The following MSH3 variants were observed in gnomAD, a reference collection of about 807,000 sequenced individuals.
MSH3 encodes the protein DNA mismatch repair protein Msh3.
Under a neutral mutation model 123.3 loss-of-function variants are expected in MSH3, and 106 were observed. The observed-to-expected ratio is 0.86, with a 90% CI of 0.73 to 1.01. MSH3 has a LOEUF of 1.01. Among genes scored for constraint, MSH3 ranks in the 50% least tolerant of loss-of-function variants. MSH3 has a pLI of 0.00. For synonymous variants in MSH3, 515 were observed against 481.4 expected, an observed-to-expected ratio of 1.07 and a Z score of -0.91; for missense variants, 1,459 against 1,347.6, an observed-to-expected ratio of 1.08 and a Z score of -1.29.
intron 20 of MSH3, among the ~76,000 whole-genome samples, chr5:80,830,016 C>T (rs897815255): frequency 6.6e-6 from 1 of 152,112 alleles, no homozygotes; most frequent in Non-Finnish European, 1.5e-5. Context: ...AATTTATGGC[C>T]ATAACACTTT....
intron 7 of MSH3, 99 bp from the exon 8 acceptor site, chr5:80,678,828 G>T (rs1314937400): frequency 2.6e-5 from 34 of 1,330,392 alleles, no homozygotes; most frequent in Non-Finnish European, 3.3e-5. Flanking sequence ...ACATACTCCT[G>T]AGTGTATCAT....
intron 2 of MSH3, among the ~76,000 whole-genome samples, chr5:80,659,464 C>T (rs570979166): frequency 6.6e-6 from 1 of 152,284 alleles, no homozygotes; most frequent in Non-Finnish European, 1.5e-5. Flanking sequence ...ATAGATTTGC[C>T]TATTCTGAAC....
chr5:80,782,621 C>T lies in MSH3; in HGVS notation c.2435+3785C>T, dbSNP rs183422063. ...TGATTTCAGAAGTTCCTATAATGTA[C>T]ATATATTACTTTCAGAATAAGAAAA... On this transcript the variant is annotated intron_variant, in intron 17 of 23. Coordinates refer to ENST00000265081, the MANE Select transcript of MSH3 (RefSeq NM_002439.5). Among the ~76,000 whole-genome samples the T allele has an allele frequency of 2.2e-3, 336 of 152,236 alleles. 2 individuals carry two copies. Among genetic ancestry groups the T allele is most frequent in the African/African-American group, 7.5e-3 (313 of 41,548 alleles).
In MSH3 at chr5:80,665,196, A is replaced by C; in HGVS notation, c.412A>C (p.Lys138Gln). The change falls in exon 3 of 24, where the codon AAA becomes CAA. Residue 138 changes from lysine (K) to glutamine (Q), a missense_variant. Coordinates refer to ENST00000265081, the MANE Select transcript of MSH3 (RefSeq NM_002439.5). ...TGTTTCAAAGTCTCTGGAAAAATTG[A>C]AAGAATTCTGCTGCGATTCTGCCCT... The part of the protein sequence containing the change: ...RNVSKSLEKL[K>Q]EFCCDSALPQ... 6.2e-7 allele frequency: 1 copy of C among 1,614,092 alleles called. No individual in the cohort carries two copies. Among genetic ancestry groups the C allele is most frequent in the Non-Finnish European group, 8.5e-7 (1 of 1,179,992 alleles).
intron 17 of MSH3, among the ~76,000 whole-genome samples, chr5:80,784,875 ATAAG>A (rs1744476134): frequency 6.6e-6 from 1 of 152,346 alleles, no homozygotes; most frequent in East Asian, 1.9e-4. Flanking sequence ...TACTCAGTAA[ATAAG>A]TATACAGTAT....
chr5:80,859,481 G>C (rs769641742), intron 21 of MSH3, among the ~76,000 whole-genome samples: 15 of 152,066 alleles, frequency 9.9e-5, no homozygotes, highest in Non-Finnish European at 1.9e-4. Context: ...GTTTCTTGTA[G>C]ACAACATACA....
intron 12 of MSH3, among the ~76,000 whole-genome samples, chr5:80,750,611 A>T (rs910520939): frequency 6.6e-6 from 1 of 152,056 alleles, no homozygotes; most frequent in African/African-American, 2.4e-5. Context: ...AGTTCCCTGT[A>T]TATTTGGTAT....
At chr5:80,779,715 C>T (rs1335860341) in intron 17 of MSH3, among the ~76,000 whole-genome samples, 7 of 151,530 alleles carry the variant, frequency 4.6e-5, no homozygotes, top group Non-Finnish European at 5.9e-5. Flanking sequence ...CACACCGCCA[C>T]GCCCTGCTAA....
rs753378830 is a variant in MSH3 at position 80,765,964 on chromosome 5, A to G, written c.1897-1969A>G. On this transcript the variant is annotated intron_variant, in intron 13 of 23. Coordinates refer to ENST00000265081, the MANE Select transcript of MSH3 (RefSeq NM_002439.5). ...ATTGGTATAAAATTCTAGGTTTTAG[A>G]TGACTTCATTATCTTTACTTCCTCT... Among the ~76,000 whole-genome samples, 47 of 152,302 alleles carry G rather than the reference A, an allele frequency of 3.1e-4. 1 individual carries two copies. Among genetic ancestry groups the G allele is most frequent in the Non-Finnish European group, 2.8e-4 (19 of 68,018 alleles).
chr5:80,822,473 T>A (rs148998340), intron 20 of MSH3, among the ~76,000 whole-genome samples: 193 of 152,326 alleles, frequency 1.3e-3, no homozygotes, highest in African/African-American at 4.5e-3. Flanking sequence ...TATTTTAGAT[T>A]TAAAAGTCTG....
intron 20 of MSH3, among the ~76,000 whole-genome samples, chr5:80,832,867 T>C (rs539664315): frequency 2.0e-5 from 3 of 152,242 alleles, no homozygotes; most frequent in Admixed American, 6.5e-5. Context: ...AAAAGTCCTC[T>C]TTTCCTAATT....
At chr5:80,816,486 A>G (rs1745104231) in intron 20 of MSH3, among the ~76,000 whole-genome samples, 1 of 152,248 alleles carries the variant, frequency 6.6e-6, no homozygotes, top group Non-Finnish European at 1.5e-5. Context: ...TAGGTGAAGC[A>G]TAGCCATGTC....
At chr5:80,674,473 T>A (rs1353014796) in intron 6 of MSH3, among the ~76,000 whole-genome samples, 2 of 151,834 alleles carry the variant, frequency 1.3e-5, no homozygotes, top group Non-Finnish European at 2.9e-5. Context: ...AATTAAACAT[T>A]ATGGGATTGT....
intron 8 of MSH3, among the ~76,000 whole-genome samples, chr5:80,684,039 CTG>C (rs1750029683): frequency 6.7e-6 from 1 of 149,532 alleles, no homozygotes; most frequent in Non-Finnish European, 1.5e-5. Flanking sequence ...TTCCAGTGGT[CTG>C]TGTGTCTGTT....
intron 2 of MSH3, among the ~76,000 whole-genome samples, chr5:80,663,083 A>G (rs971456162): frequency 4.6e-5 from 7 of 152,092 alleles, no homozygotes; most frequent in African/African-American, 1.7e-4. Context: ...AAAAATTAAA[A>G]AAAAATTAGT....
intron 8 of MSH3, among the ~76,000 whole-genome samples, chr5:80,690,673 A>AT (rs1187073436): frequency 5.3e-5 from 8 of 152,172 alleles, no homozygotes; most frequent in African/African-American, 1.7e-4. Flanking sequence ...TTAACCGTTA[A>AT]GTGCTCCTTA....
At chr5:80,834,833 A>G (rs111753919) in intron 20 of MSH3, among the ~76,000 whole-genome samples, 491 of 152,252 alleles carry the variant, frequency 3.2e-3, no homozygotes, top group African/African-American at 0.011. Context: ...TCCTTAAGAA[A>G]GAAACCCTAT....
intron 8 of MSH3, among the ~76,000 whole-genome samples, chr5:80,721,501 G>A (rs139418852): frequency 2.0e-5 from 3 of 149,690 alleles, no homozygotes; most frequent in African/African-American, 4.9e-5. Context: ...TGAGTACCTC[G>A]TTGCTGTTTT....
chr5:80,833,981 A>T (rs565465561), intron 20 of MSH3, among the ~76,000 whole-genome samples: 1 of 152,372 alleles, frequency 6.6e-6, no homozygotes, highest in East Asian at 1.9e-4. Context: ...TAAATAAACT[A>T]TACATTTCTT....
Sources: gnomAD v4.1 joint callset for allele counts (sites outside exome capture counted in the v4.1 genomes callset) on GRCh38, gnomAD v4.1.1 for gene constraint, MANE v1.5 for transcripts, NCBI Gene and HGNC (gene_info 2026-07-23, HGNC 2026-07-21) for gene names.